SLC14A2: variants seen among roughly 807,000 people sequenced by gnomAD.
SLC14A2 encodes the protein solute carrier family 14 member 2.
Under a neutral mutation model 104.6 loss-of-function variants are expected in SLC14A2, and 91 were observed. The ratio of observed to expected loss-of-function variants is 0.87; its 90% CI spans 0.73 to 1.04. SLC14A2 has a LOEUF of 1.04. SLC14A2 is among the 50% of genes least tolerant of loss of function. The probability of loss-of-function intolerance (pLI) is 0.00; values close to 1 mark genes in which losing one functional copy is unlikely to be tolerated. For synonymous variants in SLC14A2, 476 were observed against 466.4 expected, an observed-to-expected ratio of 1.02 and a Z score of -0.27; for missense variants, 1,189 against 1,156.0, an observed-to-expected ratio of 1.03 and a Z score of -0.41.
At chr18:45,424,932 G>A (rs917669820) in intron 1 of SLC14A2, among the ~76,000 whole-genome samples, 1 of 152,074 alleles carries the variant, frequency 6.6e-6, no homozygotes, top group Non-Finnish European at 1.5e-5. Flanking sequence ...GAGTGCTGGG[G>A]GCTATTTCTC....
chr18:45,545,116 C>T (rs924477212), intron 2 of SLC14A2, among the ~76,000 whole-genome samples: 1 of 152,150 alleles, frequency 6.6e-6, no homozygotes, highest in Admixed American at 6.5e-5. Context: ...TTAATGGTTA[C>T]GTGATAATTT....
At chr18:45,645,368 G>T (rs1325376608) in intron 10 of SLC14A2, among the ~76,000 whole-genome samples, 1 of 151,802 alleles carries the variant, frequency 6.6e-6, no homozygotes, top group African/African-American at 2.4e-5. Flanking sequence ...TAATGGGATT[G>T]CTGGGACAAA....
chr18:45,478,909 C>A (rs547187052), intron 1 of SLC14A2, among the ~76,000 whole-genome samples: 13 of 152,294 alleles, frequency 8.5e-5, no homozygotes, highest in African/African-American at 2.6e-4. Context: ...CTCCCCTTTT[C>A]TTAATGGAAG....
intron 1 of SLC14A2, among the ~76,000 whole-genome samples, chr18:45,422,501 C>T (rs28572580): frequency 0.013 from 2,048 of 152,052 alleles, 43 homozygotes; most frequent in African/African-American, 0.047. Flanking sequence ...TTAGGCTAAG[C>T]GTGAGGTGGA....
chr18:45,553,733 C>T (rs574565002), intron 2 of SLC14A2, among the ~76,000 whole-genome samples: 3 of 152,122 alleles, frequency 2.0e-5, no homozygotes, highest in Non-Finnish European at 4.4e-5. Context: ...GTGGGAAGGA[C>T]AGACATTTCA....
At chr18:45,324,995 T>A (rs2085220883) in intron 1 of SLC14A2, among the ~76,000 whole-genome samples, 1 of 152,158 alleles carries the variant, frequency 6.6e-6, no homozygotes, top group African/African-American at 2.4e-5. Flanking sequence ...GTCATCCCAG[T>A]CTAGCAAAGA....
chr18:45,240,091 CTTTTTTTTTTTTT>C (rs763802776), intron 1 of SLC14A2, among the ~76,000 whole-genome samples: 10 of 89,638 alleles, frequency 1.1e-4, no homozygotes, highest in African/African-American at 3.5e-4. Context: ...GCAAATATCT[CTTTTTTTTTTTTT>C]TTTTTTTTTT....
intron 1 of SLC14A2, among the ~76,000 whole-genome samples, chr18:45,408,721 G>A (rs1001285013): frequency 2.0e-5 from 3 of 152,056 alleles, no homozygotes; most frequent in African/African-American, 4.8e-5. Flanking sequence ...AAACTACATC[G>A]TGAAAATTCA....
At chr18:45,532,492 G>GGTCT (rs1555701598) in intron 2 of SLC14A2, among the ~76,000 whole-genome samples, 1 of 120,678 alleles carries the variant, frequency 8.3e-6, no homozygotes, top group African/African-American at 4.4e-5. Flanking sequence ...TCATGATTTG[G>GGTCT]CTGTTTGTCT....
At chr18:45,399,593 A>T (rs948991776) in intron 1 of SLC14A2, among the ~76,000 whole-genome samples, 1 of 151,964 alleles carries the variant, frequency 6.6e-6, no homozygotes, top group Non-Finnish European at 1.5e-5. Context: ...GTAGTGGCTG[A>T]TTTTTTTCCC....
At chr18:45,649,044 G>T (rs2045681024) in intron 10 of SLC14A2, among the ~76,000 whole-genome samples, 1 of 152,132 alleles carries the variant, frequency 6.6e-6, no homozygotes, top group Non-Finnish European at 1.5e-5. Context: ...GGTGGCGGGT[G>T]CCTGTAGTCC....
At chr18:45,349,732 G>A (rs1568162548) in intron 1 of SLC14A2, among the ~76,000 whole-genome samples, 1 of 152,206 alleles carries the variant, frequency 6.6e-6, no homozygotes, top group African/African-American at 2.4e-5. Context: ...CATCCAAGGT[G>A]TTGTCATCTC....
At chr18:45,182,747 A>C in the SLC14A2 span, among the ~76,000 whole-genome samples, 1 of 152,184 alleles carries the variant, frequency 6.6e-6, no homozygotes, top group Non-Finnish European at 1.5e-5. Flanking sequence ...TTTCATTAAG[A>C]AAAATCACAC....
chr18:45,561,774 C>A (rs1428479085), intron 2 of SLC14A2, among the ~76,000 whole-genome samples: 1 of 152,094 alleles, frequency 6.6e-6, no homozygotes, highest in Non-Finnish European at 1.5e-5. Context: ...TCATATGGAT[C>A]TCTAAAACAC....
chr18:45,376,296 C>T (rs1037088604), intron 1 of SLC14A2, among the ~76,000 whole-genome samples: 1 of 152,138 alleles, frequency 6.6e-6, no homozygotes, highest in African/African-American at 2.4e-5. Flanking sequence ...TCCTGAGCAC[C>T]TTGCACAGTG....
intron 2 of SLC14A2, among the ~76,000 whole-genome samples, chr18:45,574,461 A>G (rs947772574): frequency 6.6e-6 from 1 of 152,154 alleles, no homozygotes; most frequent in African/African-American, 2.4e-5. Context: ...TAAAGTTGAA[A>G]GCAGTACCAC....
At chr18:45,675,297 A>G (rs2046207544) in intron 18 of SLC14A2, among the ~76,000 whole-genome samples, 1 of 152,174 alleles carries the variant, frequency 6.6e-6, no homozygotes, top group African/African-American at 2.4e-5. Flanking sequence ...ATATTACTCC[A>G]TTTTATCATT....
At chr18:45,673,902 T>TA (rs774001353) in intron 18 of SLC14A2, 85 bp downstream of exon 18, 26 of 1,315,286 alleles carry the variant, frequency 2.0e-5, no homozygotes, top group Non-Finnish European at 2.4e-5. Context: ...AATGGTTATT[T>TA]AGTAATTAAT....
At chr18:45,666,330 C>G in intron 12 of SLC14A2, 111 bp downstream of exon 12, 1 of 685,558 alleles carries the variant, frequency 1.5e-6, no homozygotes, top group Non-Finnish European at 2.6e-6. Flanking sequence ...GCAAACTTTT[C>G]TTGCATTCGT....
Sources: gnomAD v4.1 joint callset for allele counts (sites outside exome capture counted in the v4.1 genomes callset) on GRCh38, gnomAD v4.1.1 for gene constraint, MANE v1.5 for transcripts, NCBI Gene and HGNC (gene_info 2026-07-23, HGNC 2026-07-21) for gene names.